Variants in ALDH1A3 observed in about 807,000 individuals in gnomAD.
ALDH1A3 encodes aldehyde dehydrogenase 1 family member A3, also known as retinaldehyde dehydrogenase 3.
Under a neutral mutation model 57.5 loss-of-function variants are expected in ALDH1A3, and 28 were observed. The observed-to-expected ratio is 0.49, with a 90% CI of 0.36 to 0.67. ALDH1A3 has a LOEUF of 0.67. ALDH1A3 is among the 30% of genes least tolerant of loss of function. ALDH1A3 has a pLI of 0.00. For missense variants in ALDH1A3, 507 were observed against 669.4 expected, an observed-to-expected ratio of 0.76 and a Z score of 2.68; for synonymous variants, 281 against 264.8, an observed-to-expected ratio of 1.06 and a Z score of -0.59.
chr15:100,895,612 G>C (rs1312767049), intron 6 of ALDH1A3: 1 of 377,694 alleles, frequency 2.6e-6, no homozygotes, highest in Non-Finnish European at 5.0e-6. Flanking sequence ...GAAAGGTGCT[G>C]TGCTACAGGC....
chr15:100,911,244 G>A (rs1344466581), intron 12 of ALDH1A3, among the ~76,000 whole-genome samples: 1 of 152,202 alleles, frequency 6.6e-6, no homozygotes, highest in African/African-American at 2.4e-5. Flanking sequence ...TCGTGCGGGG[G>A]ATTCCATGGT....
At position 100,906,002 on chromosome 15, in the gene ALDH1A3, C is replaced by A. The variant is rs1359624588; in HGVS notation, c.1233+315C>A. Among the ~76,000 whole-genome samples the A allele has an allele frequency of 6.6e-6, 1 of 152,112 alleles. No homozygotes were observed. Among genetic ancestry groups the A allele is most frequent in the Non-Finnish European group, 1.5e-5 (1 of 68,028 alleles). ...TCTGATTTTCTAACACAACCGGTCC[C>A]CGAGTCAGTCATGCAGCCGCAGGTG... is the stretch of plus-strand genomic sequence containing the variant. On this transcript the variant is annotated intron_variant, in intron 10 of 12. Transcript: ENST00000329841. The surrounding 1 kb of genome is among the most constrained non-coding windows in gnomAD (Gnocchi z 4.8).
Position 100,916,419 on chromosome 15 carries a change from A to G in ALDH1A3, c.*1646A>G, listed in dbSNP as rs965377759. 7.9e-5 allele frequency: 12 copies of G among 152,558 alleles called. No homozygotes were observed. 9.5% of individuals were successfully genotyped at this position (152,558 alleles called of 1,614,324 possible). A position where few individuals can be genotyped will look rare whatever the true frequency, so the allele number is the denominator to read the frequency against. ...TGGTAGAGTTATTGTATCTTTTTAT[A>G]GTTGTAAGTACACAGAGGTGGTATA... On this transcript the variant is annotated 3_prime_UTR_variant, in exon 13 of 13. Transcript: ENST00000329841.
At position 100,882,631 on chromosome 15, in the gene ALDH1A3, G is replaced by A. The variant is rs1039403695; in HGVS notation, c.99+2625G>A. Among the ~76,000 whole-genome samples the A allele has an allele frequency of 2.6e-5, 4 of 152,148 alleles. No individual in the cohort carries two copies. In the East Asian group the frequency reaches 5.8e-4, roughly 22 times the overall value. ...TCTGCCTGAGACACCTTACAGCTCC[G>A]TCCTGCTTCCATGTCATTCTGTTCC... is the stretch of plus-strand genomic sequence containing the variant. On this transcript the variant is annotated intron_variant, in intron 1 of 12. Coordinates refer to ENST00000329841, the MANE Select transcript of ALDH1A3 (RefSeq NM_000693.4).
chr15:100,904,887 G>T (rs1033753400), intron 9 of ALDH1A3, among the ~76,000 whole-genome samples: 3 of 152,174 alleles, frequency 2.0e-5, no homozygotes, highest in African/African-American at 7.2e-5. Flanking sequence ...TTTGTCCCCA[G>T]GGGTGTTGAG....
chr15:100,882,452 T>C (rs2041555493), intron 1 of ALDH1A3, among the ~76,000 whole-genome samples: 1 of 152,226 alleles, frequency 6.6e-6, no homozygotes, highest in Non-Finnish European at 1.5e-5. Flanking sequence ...AAAACACCGG[T>C]TTTTATTATC....
chr15:100,900,693 C>T lies in ALDH1A3; in HGVS notation c.1002C>T (p.Ser334=), dbSNP rs377179870. 77 of 1,614,056 alleles carry T rather than the reference C, an allele frequency of 4.8e-5. 2 individuals carry two copies. Among genetic ancestry groups the T allele is most frequent in the Middle Eastern group, 3.3e-4 (2 of 6,062 alleles). Residue 334 remains serine (S), a synonymous_variant, in exon 9 of 13, where the codon AGC becomes AGT. Transcript: ENST00000329841. ...TCTACTCTGAGTTTGTCAGGCGGAG[C>T]GTGGAGTATGCCAAGAAACGGCCCG... ...EQVYSEFVRR[S]VEYAKKRPVG... is the part of the protein sequence containing the mutation.
Position 100,887,604 on chromosome 15 carries a change from G to A in ALDH1A3, c.237G>A (p.Gln79=). The part of the protein sequence containing the change: ...PDVDKAVEAA[Q]VAFQRGSPWR... ...TGGACAAGGCTGTGGAGGCTGCACA[G>A]GTTGCCTTCCAGAGGGGCTCGCCAT... is the stretch of plus-strand genomic sequence containing the variant. The change falls in exon 3 of 13, where the codon CAG becomes CAA. Residue 79 remains glutamine (Q), a synonymous_variant. Transcript: ENST00000329841. The surrounding 1 kb of genome is among the most constrained non-coding windows in gnomAD (Gnocchi z 4.6). 1 of 1,611,226 alleles carries A rather than the reference G, an allele frequency of 6.2e-7. No individual in the cohort carries two copies. Among genetic ancestry groups the A allele is most frequent in the South Asian group, 1.1e-5 (1 of 90,482 alleles).
At chr15:100,892,337 C>A (rs924660999) in intron 3 of ALDH1A3, 173 bp from the exon 4 acceptor site, 3 of 813,338 alleles carry the variant, frequency 3.7e-6, no homozygotes, top group African/African-American at 3.6e-5. Flanking sequence ...CACTCAGAGA[C>A]AGGCCTCGCT....
At position 100,887,705 on chromosome 15, in the gene ALDH1A3, C is replaced by G. The variant is rs1389212248; in HGVS notation, c.338C>G (p.Thr113Ser). The change falls in exon 3 of 13, where the codon ACC becomes AGC. Residue 113 changes from threonine (T) to serine (S), a missense_variant. Around this residue, in one of 2 missense-constraint regions of ALDH1A3, gnomAD observed 432 missense variants for 608.4 expected, o/e 0.71. Transcript: ENST00000329841. The surrounding 1 kb of genome is among the most constrained non-coding windows in gnomAD (Gnocchi z 4.6). ...GACCTGGTGGAGAGGGACCGCGCCA[C>G]CTTGGCCGTGAGTACATGCACTTGG... is the stretch of plus-strand genomic sequence containing the variant. ...LADLVERDRA[T>S]LAALETMDTG... 1 of 1,600,864 alleles carries G rather than the reference C, an allele frequency of 6.2e-7. No homozygotes were observed. Among genetic ancestry groups the G allele is most frequent in the Non-Finnish European group, 8.5e-7 (1 of 1,172,618 alleles).
chr15:100,879,985 C>A lies in ALDH1A3; in HGVS notation c.78C>A (p.Asn26Lys). 1.4e-6 allele frequency: 2 copies of A among 1,474,022 alleles called. No individual in the cohort carries two copies. Among genetic ancestry groups the A allele is most frequent in the Non-Finnish European group, 9.0e-7 (1 of 1,110,508 alleles). 91.3% of individuals were successfully genotyped at this position (1,474,022 alleles called of 1,614,324 possible). A position where few individuals can be genotyped will look rare whatever the true frequency, so the allele number is the denominator to read the frequency against. ...CGGCCCTGCCGCGCCCCATCCGCAA[C>A]CTGGAGGTCAAGTTCACCAAGGTGA... The part of the protein sequence containing the change: ...KPPALPRPIR[N>K]LEVKFTKIFI... Residue 26 changes from asparagine (N) to lysine (K), a missense_variant, in exon 1 of 13, where the codon AAC becomes AAA. Transcript: ENST00000329841.
At position 100,915,127 on chromosome 15, in the gene ALDH1A3, A is replaced by G; in HGVS notation, c.*354A>G. On this transcript the variant is annotated 3_prime_UTR_variant, in exon 13 of 13. Transcript: ENST00000329841. ...TGCTTGAAATGCTTTGCCGAATCTG[A>G]CTCCAGTAAGAATGTGGGAAAACCC... 4.3e-6 allele frequency: 1 copy of G among 231,304 alleles called. No homozygotes were observed. The highest frequency in any genetic ancestry group is 8.7e-6 in the Non-Finnish European group (1 of 114,290). The allele number at this position is 231,304 out of a possible 1,614,324, so 14.3% of individuals were successfully genotyped here. A position where few individuals can be genotyped will look rare whatever the true frequency, so the allele number is the denominator to read the frequency against.
Position 100,882,142 on chromosome 15 carries a change from G to T in ALDH1A3, c.99+2136G>T, listed in dbSNP as rs1323393774. On this transcript the variant is annotated intron_variant, in intron 1 of 12. Coordinates refer to ENST00000329841, the MANE Select transcript of ALDH1A3 (RefSeq NM_000693.4). ...CTATTTTCCAAAATTGACTCATGGT[G>T]CTTCTCGATAATGGGGCACACACCA... 2.6e-5 allele frequency among the ~76,000 whole-genome samples: 4 copies of T among 152,368 alleles called. No homozygotes were observed. The East Asian group carries it at 7.7e-4, about 29-fold the overall frequency.
At chr15:100,908,168 C>T (rs2041845216) in intron 11 of ALDH1A3, among the ~76,000 whole-genome samples, 1 of 152,058 alleles carries the variant, frequency 6.6e-6, no homozygotes, top group African/African-American at 2.4e-5. Flanking sequence ...TTTTTCTCCC[C>T]TTATCATTTC....
chr15:100,907,734 C>T (rs2041836558), intron 11 of ALDH1A3, among the ~76,000 whole-genome samples: 1 of 152,098 alleles, frequency 6.6e-6, no homozygotes, highest in Non-Finnish European at 1.5e-5. Context: ...GAGCAATAAG[C>T]CCAGAATCAT....
At chr15:100,901,000 C>T (rs998377534) in intron 9 of ALDH1A3, among the ~76,000 whole-genome samples, 1 of 152,184 alleles carries the variant, frequency 6.6e-6, no homozygotes, top group Non-Finnish European at 1.5e-5. Context: ...GGCAGAAGGC[C>T]ATCTGCCTGA....
chr15:100,915,063 C>A lies in ALDH1A3; in HGVS notation c.*290C>A. The A allele has an allele frequency of 2.5e-6, 1 of 405,314 alleles. No homozygotes were observed. Among genetic ancestry groups the A allele is most frequent in the Non-Finnish European group, 4.6e-6 (1 of 217,412 alleles). The allele number at this position is 405,314 out of a possible 1,614,324, so 25.1% of individuals were successfully genotyped here. On this transcript the variant is annotated 3_prime_UTR_variant, in exon 13 of 13. Transcript: ENST00000329841. ...CCTGGAGACAGTGAGATACTCAGGG[C>A]GTTGTTAACAGGGAGTGGTATTTGA...
At chr15:100,898,778 G>T (rs1445569633) in intron 8 of ALDH1A3, among the ~76,000 whole-genome samples, 1 of 152,212 alleles carries the variant, frequency 6.6e-6, no homozygotes, top group East Asian at 1.9e-4. Context: ...GGGATAGCTT[G>T]CGTCTTGACA....
At chr15:100,904,067 G>A (rs1020424714) in intron 9 of ALDH1A3, among the ~76,000 whole-genome samples, 22 of 152,190 alleles carry the variant, frequency 1.4e-4, no homozygotes, top group African/African-American at 5.3e-4. Context: ...AAGTTTGCAG[G>A]ATAAGTCTCC....
Sources: allele counts gnomAD v4.1 joint callset (sites outside exome capture counted in the v4.1 genomes callset), GRCh38; gene constraint gnomAD v4.1.1; regional missense constraint gnomAD v4.1.1; non-coding constraint Gnocchi (gnomAD v3.1); transcripts MANE v1.5; gene names NCBI Gene and HGNC (gene_info 2026-07-23, HGNC 2026-07-21).